The following AFDN variants were observed in gnomAD, a reference collection of about 807,000 sequenced individuals.
AFDN encodes the protein afadin, adherens junction formation factor.
A neutral mutation model predicts 216.6 loss-of-function variants in AFDN; 68 were observed. That is an observed-to-expected ratio of 0.31 (90% CI 0.26 to 0.38). The LOEUF is 0.38. Ranked by LOEUF, AFDN falls within the 10% of genes least tolerant of loss-of-function variation. The pLI, the probability that AFDN is intolerant of heterozygous loss-of-function variation, is 1.00. For synonymous variants in AFDN, 868 were observed against 853.7 expected, an observed-to-expected ratio of 1.02 and a Z score of -0.29; for missense variants, 2,136 against 2,342.0, an observed-to-expected ratio of 0.91 and a Z score of 1.82.
At chr6:167,853,442 C>T (rs372426501) in intron 1 of AFDN, among the ~76,000 whole-genome samples, 20 of 151,978 alleles carry the variant, frequency 1.3e-4, no homozygotes, top group African/African-American at 3.9e-4. Flanking sequence ...AGCTGTTGTC[C>T]AAAATCACTC....
chr6:167,901,308 T>C (rs915653972), intron 11 of AFDN, among the ~76,000 whole-genome samples: 1 of 152,170 alleles, frequency 6.6e-6, no homozygotes, highest in South Asian at 2.1e-4. Context: ...AGGGCTTTTT[T>C]TTGTGGAGGT....
chr6:167,874,037 GA>G (rs1785070438), intron 4 of AFDN, among the ~76,000 whole-genome samples: 1 of 152,080 alleles, frequency 6.6e-6, no homozygotes, highest in African/African-American at 2.4e-5. Flanking sequence ...TTATGCAAGA[GA>G]AAAAAATGTA....
At chr6:167,934,130 T>C (rs981904757) in intron 23 of AFDN, among the ~76,000 whole-genome samples, 10 of 152,216 alleles carry the variant, frequency 6.6e-5, no homozygotes, top group African/African-American at 2.2e-4. Flanking sequence ...GCGTGCGGTC[T>C]TTGGGGGTTT....
intron 23 of AFDN, among the ~76,000 whole-genome samples, chr6:167,939,888 T>G (rs1461693785): frequency 6.6e-6 from 1 of 152,222 alleles, no homozygotes; most frequent in Non-Finnish European, 1.5e-5. Flanking sequence ...AGCATATGTA[T>G]TATTCTTTTC....
intron 1 of AFDN, chr6:167,827,706 C>T (rs560126863): frequency 1.3e-5 from 2 of 152,156 alleles, no homozygotes; most frequent in Non-Finnish European, 2.9e-5. Flanking sequence ...GGTTCATAAA[C>T]TTGCAGGCTG....
intron 9 of AFDN, 106 bp downstream of exon 9, chr6:167,894,012 A>C: frequency 1.2e-6 from 1 of 845,914 alleles, no homozygotes; most frequent in Admixed American, 2.1e-5. Context: ...TTTTTAGTTG[A>C]TATAAATAAC....
chr6:167,938,315 A>G (rs560456517), intron 23 of AFDN, among the ~76,000 whole-genome samples: 2 of 152,308 alleles, frequency 1.3e-5, no homozygotes, highest in African/African-American at 4.8e-5. Flanking sequence ...AGAGAGGTTC[A>G]TGGAGCTGTG....
intron 1 of AFDN, chr6:167,863,889 G>A (rs1278385512): frequency 4.3e-6 from 2 of 465,732 alleles, no homozygotes; most frequent in African/African-American, 2.0e-5. Flanking sequence ...TTAGGTTGGT[G>A]CAAAAGTACT....
Position 167,890,966 on chromosome 6 carries a change from G to T in AFDN, c.1114G>T (p.Gly372Trp). 6.2e-7 allele frequency: 1 copy of T among 1,614,070 alleles called. No individual in the cohort carries two copies. ...KTPKGKERAD[G>W]SGYGSTLPPE... ...ACCCAAGGGAAAGGAGAGAGCTGAC[G>T]GGTCTGGCTATGGCTCCACCCTTCC... Residue 372 changes from glycine (G) to tryptophan (W), a missense_variant, in exon 8 of 34, where the codon GGG becomes TGG. By Grantham distance (184) the Gly-to-Trp change is radical. Around this residue, in one of 8 missense-constraint regions of AFDN, gnomAD observed 817 missense variants for 965.7 expected, o/e 0.85. Coordinates refer to ENST00000683244, the MANE Select transcript of AFDN (RefSeq NM_001386888.1).
chr6:167,902,391 GTAAT>G lies in AFDN; in HGVS notation c.1650+8_1650+11del. On this transcript the variant is annotated splice_donor_region_variant and intron_variant, in intron 12 of 33. Coordinates refer to ENST00000683244, the MANE Select transcript of AFDN (RefSeq NM_001386888.1). ...ACAGCATTACCGACAAGCAAGGTAG[GTAAT>G]TATGGATTACCTGATAGAAGTGTGC... 6.2e-7 allele frequency: 1 copy of G among 1,606,598 alleles called. No homozygotes were observed. The highest frequency in any genetic ancestry group is 8.5e-7 in the Non-Finnish European group (1 of 1,173,788).
At chr6:167,969,040 A>G in intron 32 of AFDN, 74 bp from the exon 33 acceptor site, 1 of 1,152,452 alleles carries the variant, frequency 8.7e-7, no homozygotes, top group Non-Finnish European at 1.3e-6. Flanking sequence ...TTCTCTGAGC[A>G]CTGCATCTTT....
In AFDN at chr6:167,962,374, A is replaced by G. The variant is rs570853255; in HGVS notation, c.4834-59A>G. On this transcript the variant is annotated intron_variant, in intron 30 of 33. Transcript: ENST00000683244. The surrounding 1 kb of genome is among the most constrained non-coding windows in gnomAD (Gnocchi z 5.2). ...TGTGTCTACTTGTCTTAATGTGTGC[A>G]TTTTATGTCTTGTGCTGGTGGAGTT... 1.9e-6 allele frequency: 3 copies of G among 1,606,684 alleles called. No individual in the cohort carries two copies. In the East Asian group the frequency reaches 6.7e-5, roughly 36 times the overall value.
At position 167,970,394 on chromosome 6, in the gene AFDN, T is replaced by C. The variant is rs1797944479; in HGVS notation, c.*459T>C. On this transcript the variant is annotated 3_prime_UTR_variant, in exon 34 of 34. Transcript: ENST00000683244. Reference sequence around the variant, plus strand: ...ACTATTCAGACTATTGTTGGCACTGTTTAGTAGTGACCACACGCTCTTCTA... The same window carrying C: ...ACTATTCAGACTATTGTTGGCACTGCTTAGTAGTGACCACACGCTCTTCTA... 1.3e-5 allele frequency: 3 copies of C among 225,160 alleles called. No individual in the cohort carries two copies. The highest frequency in any genetic ancestry group is 2.6e-5 in the Non-Finnish European group (3 of 113,888). 13.9% of individuals were successfully genotyped at this position (225,160 alleles called of 1,614,324 possible).
intron 1 of AFDN, among the ~76,000 whole-genome samples, chr6:167,839,906 C>A (rs1010031205): frequency 6.6e-6 from 1 of 152,074 alleles, no homozygotes; most frequent in Non-Finnish European, 1.5e-5. Flanking sequence ...AAGAGGGGAC[C>A]GGCATTCCTG....
At chr6:167,852,967 C>G (rs1583162487) in intron 1 of AFDN, among the ~76,000 whole-genome samples, 1 of 152,218 alleles carries the variant, frequency 6.6e-6, no homozygotes, top group East Asian at 1.9e-4. Context: ...CCAAACTCAT[C>G]TTGTACATTT....
At chr6:167,945,112 C>T (rs1349473199) in intron 26 of AFDN, among the ~76,000 whole-genome samples, 2 of 152,074 alleles carry the variant, frequency 1.3e-5, no homozygotes, top group Non-Finnish European at 2.9e-5. Context: ...TGTTGTACAA[C>T]TGTACAAAAT....
chr6:167,897,395 T>C (rs1188459650), intron 10 of AFDN, among the ~76,000 whole-genome samples: 1 of 152,206 alleles, frequency 6.6e-6, no homozygotes, highest in East Asian at 1.9e-4. Context: ...CTTAACACAT[T>C]ATTTGAATAA....
In AFDN at chr6:167,883,465, C is replaced by A. The variant is rs545185042; in HGVS notation, c.897+2948C>A. ...CACTCAGTGACGTGTTGCTCTGCAA[C>A]GTCAGTTAAATCTCTACTAGTTGAC... On this transcript the variant is annotated intron_variant, in intron 6 of 33. Coordinates refer to ENST00000683244, the MANE Select transcript of AFDN (RefSeq NM_001386888.1). Among the ~76,000 whole-genome samples the A allele has an allele frequency of 2.0e-5, 3 of 152,288 alleles. No individual in the cohort carries two copies. In the East Asian group the frequency reaches 5.8e-4, roughly 29 times the overall value.
chr6:167,943,311 A>C, intron 24 of AFDN, 91 bp from the exon 25 acceptor site: 1 of 1,436,642 alleles, frequency 7.0e-7, no homozygotes, highest in East Asian at 2.3e-5. Context: ...TGGAAGAACA[A>C]ATAGAGTATC....
Sources: allele counts gnomAD v4.1 joint callset (sites outside exome capture counted in the v4.1 genomes callset), GRCh38; gene constraint gnomAD v4.1.1; regional missense constraint gnomAD v4.1.1; non-coding constraint Gnocchi (gnomAD v3.1); transcripts MANE v1.5; gene names NCBI Gene and HGNC (gene_info 2026-07-23, HGNC 2026-07-21).